MYL5: variants seen among roughly 807,000 people sequenced by gnomAD.
The protein encoded by MYL5 is myosin light chain 5.
Under a neutral mutation model 20.8 loss-of-function variants are expected in MYL5, and 28 were observed. The ratio of observed to expected loss-of-function variants is 1.35; its 90% CI spans 1.00 to 1.84. The LOEUF is 1.84. MYL5 is among the 40% of genes most tolerant of loss of function. The pLI is 0.00. For synonymous variants in MYL5, 118 were observed against 87.4 expected (o/e 1.35, Z -1.95); for missense variants, 274 against 227.3 (o/e 1.21, Z -1.32).
At chr4:679,138 G>A (rs770103989) in intron 3 of MYL5, 105 bp downstream of exon 5, 10 of 822,778 alleles carry the variant, frequency 1.2e-5, no homozygotes, top group South Asian at 5.7e-5. Flanking sequence ...CAGGGCCCGC[G>A]CCTCAGAGGC....
chr4:680,568 G>C, exon 5 of MYL5: 2 of 1,613,432 alleles, frequency 1.2e-6, no homozygotes, highest in Non-Finnish European at 1.7e-6. Context: ...GGACGGGAAA[G>C]GGAAAATCAA....
At position 679,067 on chromosome 4, in the gene MYL5, G is replaced by A. The variant is rs748780708; in HGVS notation, c.187+34G>A. ...CCAGGCAGAACGCCTCAGAGCCCTT[G>A]GAGGAGGCGAACACAGAGGTCCTCC... On this transcript the variant is annotated intron_variant, in intron 3 of 6. Coordinates refer to ENST00000400159, the Ensembl canonical transcript of MYL5. The A allele has an allele frequency of 6.9e-6, 11 of 1,592,830 alleles. No homozygotes were observed. The Admixed American group carries it at 1.7e-4, about 24-fold the overall frequency.
intron 6 of MYL5, 75 bp downstream of exon 8, chr4:681,215 C>G (rs1350510121): frequency 5.9e-6 from 9 of 1,529,550 alleles, no homozygotes; most frequent in Non-Finnish European, 8.0e-6. Context: ...TGGAGGGGGA[C>G]GCGGAGCCCG....
At chr4:678,692 C>T (rs1412810941) in exon 2 of MYL5, 1 of 1,611,372 alleles carries the variant, frequency 6.2e-7, no homozygotes, top group Non-Finnish European at 8.5e-7. Flanking sequence ...GAAGGGGGTG[C>T]CCTCCGGGCC....
At chr4:680,437 C>T in intron 4 of MYL5, 72 bp from the exon 7 acceptor site, 2 of 1,488,132 alleles carry the variant, frequency 1.3e-6, no homozygotes, top group South Asian at 2.3e-5. Context: ...GGTCTCCCCT[C>T]CTGCCATCTG....
upstream of MYL5, chr4:676,494 A>G (rs973798845): frequency 6.6e-6 from 1 of 152,238 alleles, no homozygotes; most frequent in Non-Finnish European, 1.5e-5. Flanking sequence ...CTGGCTCAGC[A>G]CACCGCCCGC....
At position 678,016 on chromosome 4, in the gene MYL5, C is replaced by T. The variant is rs1739018647; in HGVS notation, c.-11C>T. ...CCCTGGGCAGACGCATCAAAGCAGG[C>T]AGAAGCAGGCATGGTGAGCAGGCCG... is the stretch of plus-strand genomic sequence containing the variant. On this transcript the variant is annotated 5_prime_UTR_variant, in exon 1 of 7. The change creates a premature stop within an existing upstream ORF in the 5' untranslated region. Coordinates refer to ENST00000400159, the Ensembl canonical transcript of MYL5. 1.9e-6 allele frequency: 3 copies of T among 1,612,398 alleles called. No homozygotes were observed. Among genetic ancestry groups the T allele is most frequent in the South Asian group, 1.1e-5 (1 of 91,078 alleles).
chr4:681,100 G>T (rs1187110502), exon 6 of MYL5: 3 of 1,604,180 alleles, frequency 1.9e-6, no homozygotes, highest in Non-Finnish European at 2.6e-6. Flanking sequence ...AGCATCAAGC[G>T]TCTGCTGATG....
intron 3 of MYL5, 118 bp downstream of exon 5, chr4:679,151 A>T: frequency 1.0e-6 from 1 of 986,118 alleles, no homozygotes; most frequent in Non-Finnish European, 1.6e-6. Flanking sequence ...TCAGAGGCCC[A>T]CCAACGGCCC....
intron 6 of MYL5, 142 bp downstream of exon 8, chr4:681,282 A>G: frequency 1.0e-6 from 1 of 976,438 alleles, no homozygotes; most frequent in Non-Finnish European, 1.5e-6. Context: ...GGGCTCCCGA[A>G]GTGCCCGTCT....
intron 4 of MYL5, 98 bp downstream of exon 6, chr4:680,116 AGAAGCCCTAGGGCCTGGCACTCTGGG>A: frequency 8.3e-7 from 1 of 1,207,310 alleles, no homozygotes; most frequent in Non-Finnish European, 1.2e-6. Context: ...CAATCTCTGG[AGAAGCCCTAGGGCCTGGCACTCTGGG>A]AGCCAACAAC....
intron 6 of MYL5, among the ~76,000 whole-genome samples, chr4:681,654 AGCGCC>A (rs1221767611): frequency 7.1e-4 from 1 of 1,404 alleles, no homozygotes; most frequent in Non-Finnish European, 1.4e-3. Flanking sequence ...CGCCCCCTCC[AGCGCC>A]GCCCCGCCCC....
intron 6 of MYL5, 55 bp from the exon 9 acceptor site, chr4:681,838 G>C (rs1739712547): frequency 3.1e-6 from 4 of 1,291,438 alleles, no homozygotes; most frequent in Non-Finnish European, 3.0e-6. Flanking sequence ...CTGCAGGTGC[G>C]CGCTTGTAAT....
intron 4 of MYL5, 48 bp from the exon 7 acceptor site, chr4:680,461 C>G (rs780739290): frequency 1.9e-6 from 3 of 1,592,746 alleles, no homozygotes; most frequent in South Asian, 2.2e-5. Flanking sequence ...TTGGCAGCCA[C>G]GGGACTGCCA....
At chr4:677,477 T>G (rs370656710), upstream of MYL5, among the ~76,000 whole-genome samples, 1 of 152,248 alleles carries the variant, frequency 6.6e-6, no homozygotes, top group African/African-American at 2.4e-5. Context: ...GGCAAGGAGC[T>G]CCCAGCCATG....
chr4:677,033 C>T (rs950862933), upstream of MYL5: 12 of 595,100 alleles, frequency 2.0e-5, no homozygotes, highest in African/African-American at 1.4e-4. Flanking sequence ...CTTGCAGACA[C>T]GGTGGCGCCC....
chr4:678,503 G>A, intron 1 of MYL5, 155 bp from the exon 4 acceptor site: 1 of 1,444,222 alleles, frequency 6.9e-7, no homozygotes, highest in South Asian at 1.5e-5. Flanking sequence ...AGCTACCCAG[G>A]CCTGAGGCTG....
chr4:676,292 G>A (rs1312120453), upstream of MYL5: 1 of 152,356 alleles, frequency 6.6e-6, no homozygotes, highest in Non-Finnish European at 1.5e-5. Context: ...AAAAATAAGT[G>A]TCTCTGGGGC....
upstream of MYL5, among the ~76,000 whole-genome samples, chr4:677,248 T>C (rs997715328): frequency 6.6e-6 from 1 of 152,130 alleles, no homozygotes; most frequent in Non-Finnish European, 1.5e-5. Context: ...TCCCACCCCT[T>C]GAACCAGGGC....
Sources: gnomAD v4.1 joint callset for allele counts (sites outside exome capture counted in the v4.1 genomes callset) on GRCh38, gnomAD v4.1.1 for gene constraint, MANE v1.5 for transcripts, NCBI Gene and HGNC (gene_info 2026-07-23, HGNC 2026-07-21) for gene names.